TECR: variants seen among roughly 807,000 people sequenced by gnomAD.
TECR encodes very-long-chain enoyl-CoA reductase.
TECR carries 19 observed loss-of-function variants against 50.6 expected under a neutral mutation model. The observed-to-expected ratio is 0.38, with a 90% CI of 0.26 to 0.55. TECR has a LOEUF of 0.55. Ranked by LOEUF, TECR falls within the 20% of genes least tolerant of loss-of-function variation. The pLI is 0.79. For missense variants in TECR, 313 were observed against 408.3 expected, an observed-to-expected ratio of 0.77 and a Z score of 2.01; for synonymous variants, 168 against 163.5, an observed-to-expected ratio of 1.03 and a Z score of -0.21.
intron 1 of TECR, among the ~76,000 whole-genome samples, chr19:14,557,487 T>A (rs939366663): frequency 6.6e-6 from 1 of 151,408 alleles, no homozygotes; most frequent in Non-Finnish European, 1.5e-5. Flanking sequence ...AGTCTTGCTC[T>A]GTCTCCCAGG....
At chr19:14,551,553 G>T (rs1171548931) in intron 1 of TECR, among the ~76,000 whole-genome samples, 1 of 152,172 alleles carries the variant, frequency 6.6e-6, no homozygotes, top group African/African-American at 2.4e-5. Flanking sequence ...CTCTCAGTCA[G>T]CATTGAGGAC....
intron 1 of TECR, among the ~76,000 whole-genome samples, chr19:14,547,342 C>A (rs898272045): frequency 6.9e-6 from 1 of 145,000 alleles, no homozygotes; most frequent in African/African-American, 2.5e-5. Context: ...CCGTACCTGG[C>A]CTATTTTATT....
chr19:14,557,155 T>TTATG (rs2073759326), intron 1 of TECR, among the ~76,000 whole-genome samples: 1 of 151,640 alleles, frequency 6.6e-6, no homozygotes, highest in Non-Finnish European at 1.5e-5. Flanking sequence ...ATTTATTTAT[T>TTATG]TTGAGACAGG....
intron 1 of TECR, among the ~76,000 whole-genome samples, chr19:14,559,075 C>G (rs888303568): frequency 1.3e-5 from 2 of 152,176 alleles, no homozygotes; most frequent in African/African-American, 4.8e-5. Flanking sequence ...TAGGCCCTCC[C>G]TCTGAGGGGT....
rs1271051567 is a variant in TECR, at chr19:14,564,858, A to G, written c.562A>G (p.Thr188Ala). 1.4e-5 allele frequency: 23 copies of G among 1,613,670 alleles called. No individual in the cohort carries two copies. The highest frequency in any genetic ancestry group is 1.9e-5 in the Non-Finnish European group (22 of 1,179,982). ...YINHPLYTPP[T>A]YGAQQVKLAL... ...CAATCACCCTCTCTACACTCCCCCT[A>G]GTAAGTGGCCTCAGACCATCCTTCC... Residue 188 changes from threonine to alanine, a missense_variant and splice_region_variant, in exon 8 of 13, where the codon ACC (threonine) becomes GCC (alanine). Physicochemically the swap from Thr to Ala is moderately conservative, Grantham distance 58 (BLOSUM62 0). Transcript: ENST00000215567.
rs118141661 is a variant in TECR, at chr19:14,559,742, G to A, written c.16-2783G>A. Among the ~76,000 whole-genome samples the A allele has an allele frequency of 5.6e-3, 848 of 151,368 alleles. 8 individuals carry two copies. Among genetic ancestry groups the A allele is most frequent in the Non-Finnish European group, 9.2e-3 (627 of 67,900 alleles). On this transcript the variant is annotated intron_variant, in intron 1 of 12. Transcript: ENST00000215567. ...GCGGAGGTTGCAGTGAGTCAAGATC[G>A]CACTGCTGCACTCCAACCTGGGCGA...
intron 1 of TECR, among the ~76,000 whole-genome samples, chr19:14,538,398 C>T (rs4528685): frequency 0.29 from 43,799 of 151,926 alleles, 7,649 homozygotes; most frequent in Non-Finnish European, 0.4. Flanking sequence ...GCATGCTTCG[C>T]GGCCCACAGG....
chr19:14,562,372 G>A (rs1310196471), intron 1 of TECR, 153 bp from the exon 2 acceptor site: 15 of 789,964 alleles, frequency 1.9e-5, no homozygotes, highest in East Asian at 1.9e-4. Flanking sequence ...GCAGAGCCGA[G>A]TGGCAGGGCT....
chr19:14,543,732 C>A (rs1019441521), intron 1 of TECR, among the ~76,000 whole-genome samples: 3 of 148,598 alleles, frequency 2.0e-5, no homozygotes, highest in African/African-American at 7.5e-5. Context: ...GCCACCGCGC[C>A]CGGCTATATA....
At chr19:14,550,303 T>C (rs901883055) in intron 1 of TECR, among the ~76,000 whole-genome samples, 4 of 152,138 alleles carry the variant, frequency 2.6e-5, no homozygotes, top group Admixed American at 2.0e-4. Context: ...TGGTGTTAGC[T>C]GCCGCCGCGT....
At chr19:14,544,310 C>T (rs952324513) in intron 1 of TECR, among the ~76,000 whole-genome samples, 6 of 152,146 alleles carry the variant, frequency 3.9e-5, no homozygotes, top group Non-Finnish European at 8.8e-5. Flanking sequence ...TGGCTCTCCC[C>T]TGTAACCCCT....
chr19:14,555,482 A>G (rs1284576704), intron 1 of TECR, among the ~76,000 whole-genome samples: 5 of 97,118 alleles, frequency 5.1e-5, no homozygotes, highest in Admixed American at 3.1e-4. Context: ...GCCTCACTCT[A>G]TTGCCCAGGC....
chr19:14,546,685 TTTTTC>T (rs1391419161), intron 1 of TECR, among the ~76,000 whole-genome samples: 3 of 152,160 alleles, frequency 2.0e-5, no homozygotes, highest in Non-Finnish European at 2.9e-5. Flanking sequence ...TAAACATTAT[TTTTTC>T]TTTTCTTTTT....
chr19:14,553,875 G>T (rs2073625540), intron 1 of TECR, among the ~76,000 whole-genome samples: 1 of 152,134 alleles, frequency 6.6e-6, no homozygotes, highest in Non-Finnish European at 1.5e-5. Context: ...TGCAGGACCT[G>T]TCAGGCCCTT....
At chr19:14,545,943 C>G (rs1345347060) in intron 1 of TECR, 1 of 152,252 alleles carries the variant, frequency 6.6e-6, no homozygotes, top group Non-Finnish European at 1.5e-5. Flanking sequence ...CATCCAAGGC[C>G]TGATCAGAGC....
At chr19:14,545,443 A>G (rs1036082783) in intron 1 of TECR, among the ~76,000 whole-genome samples, 6 of 130,100 alleles carry the variant, frequency 4.6e-5, no homozygotes, top group Non-Finnish European at 1.1e-4. Flanking sequence ...CTCCTGGTAC[A>G]TCGTGACCCC....
At chr19:14,546,020 C>T (rs2073294599) in intron 1 of TECR, 1 of 152,196 alleles carries the variant, frequency 6.6e-6, no homozygotes, top group East Asian at 1.9e-4. Context: ...ATCTCCCTTC[C>T]TGGCTGGGTC....
chr19:14,534,562 A>G (rs2072797119), intron 1 of TECR, among the ~76,000 whole-genome samples: 1 of 148,282 alleles, frequency 6.7e-6, no homozygotes, highest in South Asian at 2.1e-4. Context: ...CAGCCTCCCA[A>G]GTAGCTGTTA....
intron 11 of TECR, 68 bp downstream of exon 11, chr19:14,565,358 G>T: frequency 1.3e-6 from 2 of 1,586,926 alleles, no homozygotes; most frequent in South Asian, 2.2e-5. Flanking sequence ...CAGCCCCTAG[G>T]ATGGGGCGCC....
Sources: allele counts gnomAD v4.1 joint callset (sites outside exome capture counted in the v4.1 genomes callset), GRCh38; gene constraint gnomAD v4.1.1; transcripts MANE v1.5; gene names NCBI Gene and HGNC (gene_info 2026-07-23, HGNC 2026-07-21).